EP300: variants seen among roughly 807,000 people sequenced by gnomAD.
EP300 encodes EP300 lysine acetyltransferase, also known as histone acetyltransferase p300.
In EP300, 31 loss-of-function variants were observed where a neutral mutation model predicts 264.0. The observed-to-expected ratio is 0.12, with a 90% CI of 0.09 to 0.16. EP300 has a LOEUF of 0.16. EP300 is among the 10% of genes least tolerant of loss of function. EP300 has a pLI of 1.00. For missense variants in EP300, 2,766 were observed against 3,052.9 expected (o/e 0.91, Z 2.21); for synonymous variants, 1,340 against 1,045.4 (o/e 1.28, Z -5.44).
chr22:41,143,766 A>G (rs1003390326), intron 10 of EP300, among the ~76,000 whole-genome samples: 3 of 152,174 alleles, frequency 2.0e-5, no homozygotes, highest in Non-Finnish European at 4.4e-5. Flanking sequence ...CAGTAGAGAC[A>G]GGGTTTCACA....
At chr22:41,160,006 GTA>G (rs2059098909) in intron 19 of EP300, 1 of 128,672 alleles carries the variant, frequency 7.8e-6, no homozygotes. Context: ...TTCTGCAGTT[GTA>G]TCTATAGTGG....
chr22:41,176,748 C>A (rs774985256), intron 30 of EP300, 25 bp from the exon 31 acceptor site: 33 of 1,613,714 alleles, frequency 2.0e-5, no homozygotes, highest in Non-Finnish European at 2.7e-5. Flanking sequence ...GGAGAGTTTA[C>A]GTGCACCTCC....
intron 6 of EP300, among the ~76,000 whole-genome samples, chr22:41,132,402 C>T (rs1359888145): frequency 1.3e-5 from 2 of 148,872 alleles, no homozygotes; most frequent in Admixed American, 6.8e-5. Flanking sequence ...AATCTCCTGC[C>T]TTAGCCTCCT....
chr22:41,170,863 C>T (rs1400785473), intron 27 of EP300, among the ~76,000 whole-genome samples: 1 of 151,132 alleles, frequency 6.6e-6, no homozygotes, highest in Non-Finnish European at 1.5e-5. Context: ...CGGGGTTTCA[C>T]CGTGTTAGCC....
intron 1 of EP300, among the ~76,000 whole-genome samples, chr22:41,101,910 TA>T (rs2058733879): frequency 6.6e-6 from 1 of 152,160 alleles, no homozygotes; most frequent in Non-Finnish European, 1.5e-5. Context: ...TTACAACACT[TA>T]AGGAAGAACT....
At chr22:41,165,863 G>C (rs1370197444) in intron 22 of EP300, among the ~76,000 whole-genome samples, 2 of 151,840 alleles carry the variant, frequency 1.3e-5, no homozygotes, top group Non-Finnish European at 2.9e-5. Context: ...TCCACCTCCT[G>C]GGTTCAGGCA....
rs2059216759 is a variant in EP300 at position 41,178,453 on chromosome 22, G to T, written c.6742G>T (p.Ala2248Ser). The change falls in exon 31 of 31, where the codon GCC (alanine) becomes TCC (serine). Residue 2248 changes from alanine to serine, a missense_variant. Transcript: ENST00000263253. The part of the protein sequence containing the change: ...NMGQIGQLPQ[A>S]LGAEAGASLQ... The stretch of plus-strand genomic sequence containing the variant: ...GGGACAGATAGGCCAGCTTCCCCAG[G>T]CCTTGGGAGCAGAGGCAGGTGCCAG... The T allele has an allele frequency of 6.2e-7, 1 of 1,613,936 alleles. No individual in the cohort carries two copies. The highest frequency in any genetic ancestry group is 1.7e-5 in the Admixed American group (1 of 59,984).
chr22:41,101,846 T>G (rs1038294643), intron 1 of EP300, among the ~76,000 whole-genome samples: 6 of 152,016 alleles, frequency 3.9e-5, no homozygotes, highest in Admixed American at 3.9e-4. Flanking sequence ...CTAAGAAACT[T>G]TCTTATAAAG....
At chr22:41,093,161 ATTC>A in intron 1 of EP300, 63 bp downstream of exon 1, 2 of 1,510,270 alleles carry the variant, frequency 1.3e-6, no homozygotes, top group South Asian at 2.3e-5. Context: ...GTGCGCCTTT[ATTC>A]TTCCATTTTT....
intron 17 of EP300, among the ~76,000 whole-genome samples, chr22:41,155,458 G>A (rs868463601): frequency 2.0e-5 from 3 of 152,028 alleles, no homozygotes; most frequent in Admixed American, 1.3e-4. Context: ...GGTCTTGAAC[G>A]CCTGGACTCA....
chr22:41,127,571 G>A lies in EP300; in HGVS notation c.991G>A (p.Asp331Asn). ...QGMGSGAHTA[D>N]PEKRKLIQQQ... is the part of the protein sequence containing the mutation. ...GATGGGTTCTGGAGCACATACAGCT[G>A]ATCCAGAGAAGCGCAAGCTCATCCA... The change falls in exon 4 of 31, where the codon GAT (aspartate) becomes AAT (asparagine). Residue 331 changes from aspartate to asparagine, a missense_variant. Asp to Asn is a conservative substitution (Grantham distance 23). Coordinates refer to ENST00000263253, the MANE Select transcript of EP300 (RefSeq NM_001429.4). 2 of 1,614,230 alleles carry A rather than the reference G, an allele frequency of 1.2e-6. No homozygotes were observed. The highest frequency in any genetic ancestry group is 1.7e-6 in the Non-Finnish European group (2 of 1,180,032).
At chr22:41,172,710 T>C (rs775176956) in intron 28 of EP300, 47 bp downstream of exon 28, 64 of 1,582,774 alleles carry the variant, frequency 4.0e-5, no homozygotes, top group Non-Finnish European at 2.0e-5. Flanking sequence ...GATTCTAATA[T>C]TTAATCCAGA....
Position 41,147,939 on chromosome 22 carries a change from T to C in EP300, c.2234T>C (p.Leu745Pro). The C allele has an allele frequency of 6.2e-7, 1 of 1,602,298 alleles. No individual in the cohort carries two copies. The highest frequency in any genetic ancestry group is 1.1e-5 in the South Asian group (1 of 89,668). The change falls in exon 12 of 31, where the codon CTC (leucine) becomes CCC (proline). Residue 745 changes from leucine (L) to proline (P), a missense_variant. By Grantham distance (98) the Leu-to-Pro change is moderately conservative (BLOSUM62 -3). Coordinates refer to ENST00000263253, the MANE Select transcript of EP300 (RefSeq NM_001429.4). ...GGACAGTTGGCTCAACCTGGAGCTC[T>C]CAACCCGGTTAGTTTGACGTCTTTG... ...HHGQLAQPGA[L>P]NPPMGYGPRM...
At chr22:41,127,288 G>A (rs1009162215) in intron 3 of EP300, among the ~76,000 whole-genome samples, 199 bp from the exon 4 acceptor site, 2 of 151,802 alleles carry the variant, frequency 1.3e-5, no homozygotes, top group African/African-American at 4.8e-5. Context: ...ATATCACTTC[G>A]TAATGTCATT....
At chr22:41,142,832 G>C (rs1267115490) in intron 10 of EP300, among the ~76,000 whole-genome samples, 1 of 152,128 alleles carries the variant, frequency 6.6e-6, no homozygotes, top group Non-Finnish European at 1.5e-5. Flanking sequence ...CTTGCAGTGA[G>C]CCGAGATTGT....
rs568147297 is a variant in EP300 at position 41,163,997 on chromosome 22, A to G, written c.3729-56A>G. Reference sequence around the variant, plus strand: ...GTCAGAAGTCATGGGAAATATTGCAAGTTTTCATTTGGTTAAGGTTTGGGG... The same window carrying G: ...GTCAGAAGTCATGGGAAATATTGCAGGTTTTCATTTGGTTAAGGTTTGGGG... On this transcript the variant is annotated intron_variant, in intron 21 of 30. Coordinates refer to ENST00000263253, the MANE Select transcript of EP300 (RefSeq NM_001429.4). 6.7e-5 allele frequency: 101 copies of G among 1,512,902 alleles called. 1 individual carries two copies. Among genetic ancestry groups the G allele is most frequent in the African/African-American group, 1.1e-4 (8 of 72,884 alleles). The allele number at this position is 1,512,902 out of a possible 1,614,324, so 93.7% of individuals were successfully genotyped here.
intron 3 of EP300, chr22:41,126,380 C>T (rs1359344436): frequency 4.2e-6 from 1 of 239,270 alleles, no homozygotes; most frequent in African/African-American, 2.2e-5. Flanking sequence ...GAAGGAATCT[C>T]TGGCAAAGGA....
Position 41,140,233 on chromosome 22 carries a change from C to T in EP300, c.1854C>T (p.Asp618=). The T allele has an allele frequency of 6.2e-7, 1 of 1,612,038 alleles. No homozygotes were observed. Among genetic ancestry groups the T allele is most frequent in the Non-Finnish European group, 8.5e-7 (1 of 1,178,088 alleles). ...LVAYARKVEG[D]MYESANNRAE... The stretch of plus-strand genomic sequence containing the variant: ...CATATGCTCGGAAAGTTGAAGGGGA[C>T]ATGTATGAATCTGCAAACAATCGAG... The change falls in exon 9 of 31, where the codon GAC becomes GAT. Residue 618 remains aspartate, a synonymous_variant. Transcript: ENST00000263253.
At chr22:41,157,036 C>A in intron 17 of EP300, 133 bp from the exon 18 acceptor site, 5 of 1,028,892 alleles carry the variant, frequency 4.9e-6, no homozygotes, top group Non-Finnish European at 5.8e-6. Context: ...GGACATCAGT[C>A]ACCTCTTGGG....
Sources: allele counts gnomAD v4.1 joint callset (sites outside exome capture counted in the v4.1 genomes callset), GRCh38; gene constraint gnomAD v4.1.1; transcripts MANE v1.5; gene names NCBI Gene and HGNC (gene_info 2026-07-23, HGNC 2026-07-21).